Variants in TMEFF2 observed in about 807,000 individuals in gnomAD.
TMEFF2 encodes transmembrane protein with EGF like and two follistatin like domains 2.
Under a neutral mutation model 53.8 loss-of-function variants are expected in TMEFF2, and 28 were observed. That is an observed-to-expected ratio of 0.52 (90% confidence interval 0.39 to 0.71). The LOEUF is 0.71. Among genes scored for constraint, TMEFF2 ranks in the 30% least tolerant of loss-of-function variants. The pLI is 0.00. For synonymous variants in TMEFF2, 162 were observed against 166.3 expected, an observed-to-expected ratio of 0.97 and a Z score of 0.20; for missense variants, 353 against 455.2, an observed-to-expected ratio of 0.78 and a Z score of 2.04.
intron 3 of TMEFF2, among the ~76,000 whole-genome samples, chr2:192,182,247 G>C (rs72920029): frequency 0.014 from 2,072 of 151,750 alleles, 22 homozygotes; most frequent in Non-Finnish European, 0.02. Flanking sequence ...AAAATAAATG[G>C]GAAATATACA....
intron 5 of TMEFF2, among the ~76,000 whole-genome samples, chr2:192,020,519 A>G (rs1399430943): frequency 2.6e-5 from 4 of 152,138 alleles, no homozygotes; most frequent in African/African-American, 9.6e-5. Flanking sequence ...GATATTTTCA[A>G]CTATATTTGA....
intron 7 of TMEFF2, among the ~76,000 whole-genome samples, chr2:191,993,681 T>C (rs567726358): frequency 5.9e-5 from 9 of 152,102 alleles, no homozygotes; most frequent in African/African-American, 2.2e-4. Context: ...ATTTGGAAAA[T>C]TGGAAATACC....
chr2:192,073,428 T>A (rs531374329), intron 4 of TMEFF2, among the ~76,000 whole-genome samples: 57 of 147,154 alleles, frequency 3.9e-4, no homozygotes, highest in Non-Finnish European at 7.0e-4. Context: ...TGATTTCAAC[T>A]TTTTTTTTTT....
intron 4 of TMEFF2, among the ~76,000 whole-genome samples, chr2:192,105,489 C>T (rs1262379974): frequency 6.6e-6 from 1 of 151,850 alleles, no homozygotes; most frequent in Admixed American, 6.6e-5. Context: ...AACCACCCTT[C>T]GAAGAAGGTA....
intron 5 of TMEFF2, among the ~76,000 whole-genome samples, chr2:192,000,401 A>C (rs1686327225): frequency 3.3e-5 from 5 of 152,174 alleles, no homozygotes. Context: ...AAGGTTAGAC[A>C]CTAGTAAATT....
At chr2:192,043,229 C>T (rs1215469669) in intron 5 of TMEFF2, among the ~76,000 whole-genome samples, 1 of 152,054 alleles carries the variant, frequency 6.6e-6, no homozygotes, top group African/African-American at 2.4e-5. Context: ...ATTTGATAAG[C>T]AGAAACGTTC....
chr2:192,129,479 T>C (rs1233280861), intron 4 of TMEFF2, among the ~76,000 whole-genome samples: 3 of 152,070 alleles, frequency 2.0e-5, no homozygotes, highest in African/African-American at 7.3e-5. Context: ...TGGGTTTTAA[T>C]ACTACTTTAG....
chr2:192,193,795 GA>G (rs1691529860), intron 1 of TMEFF2, among the ~76,000 whole-genome samples: 1 of 129,180 alleles, frequency 7.7e-6, no homozygotes, highest in African/African-American at 2.8e-5. Context: ...GAGAGAGAGA[GA>G]GAGAGAGAGA....
At chr2:191,997,054 G>A (rs1283260762) in intron 7 of TMEFF2, among the ~76,000 whole-genome samples, 2 of 151,884 alleles carry the variant, frequency 1.3e-5, no homozygotes, top group African/African-American at 4.8e-5. Context: ...GTTCTGGGTA[G>A]AAGACCCATT....
At chr2:191,966,346 C>T (rs1272796411) in intron 7 of TMEFF2, among the ~76,000 whole-genome samples, 1 of 152,140 alleles carries the variant, frequency 6.6e-6, no homozygotes, top group Non-Finnish European at 1.5e-5. Context: ...ATGAACAGAT[C>T]ATCGAGTTTT....
rs55800219 is a variant in TMEFF2, at chr2:192,069,988, GTATATATATATATATATATATATATA to G, written c.440-12239_440-12214del. On this transcript the variant is annotated intron_variant, in intron 4 of 9. Coordinates refer to ENST00000272771, the MANE Select transcript of TMEFF2 (RefSeq NM_016192.4). Reference sequence around the variant, plus strand: ...AATGTGTGTGTGTGTGTGTGTGTGTGTATATATATATATATATATATATATATATATATATATATATATATATATAT... The same window carrying G: ...AATGTGTGTGTGTGTGTGTGTGTGTGTATATATATATATATATATATATAT... Among the ~76,000 whole-genome samples, 592 of 118,870 alleles carry G rather than the reference GTATATATATATATATATATATATATA, an allele frequency of 5.0e-3. 12 individuals are homozygous for G. The highest frequency in any genetic ancestry group is 0.016 in the South Asian group (63 of 3,914). The allele number at this position is 118,870 out of a possible 152,430, so 78.0% of individuals were successfully genotyped here. A position where few individuals can be genotyped will look rare whatever the true frequency, so the allele number is the denominator to read the frequency against.
intron 7 of TMEFF2, among the ~76,000 whole-genome samples, chr2:191,958,458 AGAATTTTTTAAAGTGAAAATCCG>A (rs1448239381): frequency 1.3e-5 from 2 of 152,252 alleles, no homozygotes; most frequent in Non-Finnish European, 2.9e-5. Context: ...AAGAATGTCA[AGAATTTTTTAAAGTGAAAATCCG>A]GTTTTTAGTC....
At chr2:192,149,272 G>C (rs558529261) in intron 4 of TMEFF2, among the ~76,000 whole-genome samples, 18 of 152,010 alleles carry the variant, frequency 1.2e-4, no homozygotes, top group African/African-American at 3.9e-4. Context: ...GTGTATTTCA[G>C]CTTCACAGCA....
intron 4 of TMEFF2, among the ~76,000 whole-genome samples, chr2:192,130,899 G>A (rs1310629325): frequency 1.3e-5 from 2 of 150,130 alleles, no homozygotes; most frequent in East Asian, 2.1e-4. Context: ...CCAAAACTCC[G>A]GCGCTGGTCA....
At chr2:192,137,163 T>G (rs1690030537) in intron 4 of TMEFF2, among the ~76,000 whole-genome samples, 1 of 152,216 alleles carries the variant, frequency 6.6e-6, no homozygotes, top group African/African-American at 2.4e-5. Flanking sequence ...CTTTCTGTGC[T>G]CCTTTGGTGC....
chr2:192,073,494 G>A (rs1688338267), intron 4 of TMEFF2, among the ~76,000 whole-genome samples: 1 of 151,548 alleles, frequency 6.6e-6, no homozygotes, highest in Non-Finnish European at 1.5e-5. Context: ...TATATCATCA[G>A]CAGCCCAACA....
chr2:192,034,812 G>C (rs888959918), intron 5 of TMEFF2: 1 of 152,278 alleles, frequency 6.6e-6, no homozygotes, highest in African/African-American at 2.4e-5. Context: ...GACACAGCCA[G>C]CCAGTCTGAG....
chr2:192,025,057 TG>T (rs1246996784), intron 5 of TMEFF2, among the ~76,000 whole-genome samples: 1 of 151,974 alleles, frequency 6.6e-6, no homozygotes, highest in Non-Finnish European at 1.5e-5. Flanking sequence ...TGAAGGGAGG[TG>T]ATCAGAAGTT....
chr2:192,187,033 G>C (rs1478068528), intron 2 of TMEFF2, among the ~76,000 whole-genome samples: 1 of 152,142 alleles, frequency 6.6e-6, no homozygotes, highest in African/African-American at 2.4e-5. Flanking sequence ...GAGCTGAAAA[G>C]AGCTTAACTG....
Sources: gnomAD v4.1 joint callset for allele counts (sites outside exome capture counted in the v4.1 genomes callset) on GRCh38, gnomAD v4.1.1 for gene constraint, MANE v1.5 for transcripts, NCBI Gene and HGNC (gene_info 2026-07-23, HGNC 2026-07-21) for gene names.